Variants in ANTKMT observed in about 807,000 individuals in gnomAD.
ANTKMT encodes adenine nucleotide translocase lysine methyltransferase.
Under a neutral mutation model 20.7 loss-of-function variants are expected in ANTKMT, and 24 were observed. That is an observed-to-expected ratio of 1.16 (90% CI 0.84 to 1.63). The LOEUF (loss-of-function observed/expected upper bound fraction) is 1.63, where lower values mean the gene tolerates loss of function less well. ANTKMT is among the 40% of genes most tolerant of loss of function. ANTKMT has a pLI of 0.00. For synonymous variants in ANTKMT, 193 were observed against 161.2 expected (o/e 1.20, Z -1.49); for missense variants, 428 against 334.8 (o/e 1.28, Z -2.17).
chr16:721,159 C>T lies in ANTKMT; in HGVS notation c.-116C>T. ...GCTCTGCCGGCCACTTCCGGTGTCG[C>T]GCGGCGGCTCCCGGCAGGAGGCAGA... On this transcript the variant is annotated 5_prime_UTR_variant, in exon 1 of 5. Transcript: ENST00000569529. The T allele has an allele frequency of 9.4e-7, 1 of 1,063,950 alleles. No homozygotes were observed. The highest frequency in any genetic ancestry group is 1.2e-6 in the Non-Finnish European group (1 of 845,988). 65.9% of individuals were successfully genotyped at this position (1,063,950 alleles called of 1,614,324 possible).
chr16:721,476 C>T, intron 1 of ANTKMT, 40 bp downstream of exon 1: 1 of 1,369,464 alleles, frequency 7.3e-7, no homozygotes, highest in Non-Finnish European at 9.3e-7. Context: ...AGCTCGGCTG[C>T]CGCTCAGGGT....
chr16:721,693 C>A lies in ANTKMT; in HGVS notation c.258C>A (p.Asp86Glu). 6.5e-7 allele frequency: 1 copy of A among 1,549,622 alleles called. No homozygotes were observed. Among genetic ancestry groups the A allele is most frequent in the Non-Finnish European group, 8.7e-7 (1 of 1,147,174 alleles). The change falls in exon 2 of 5, where the codon GAC becomes GAA. Residue 86 changes from aspartate to glutamate, a missense_variant. By Grantham distance (45) the Asp-to-Glu change is conservative. Transcript: ENST00000569529. The stretch of plus-strand genomic sequence containing the variant: ...AAACGGTGGATCTGGGCTCTGGCGA[C>A]GGCAGGATCGTAAGTGCCTGCGTCT... ...PGKTVDLGSG[D>E]GRIVLAAHRC...
rs1271064786 is a variant in ANTKMT, at chr16:721,358, C to G, written c.84C>G (p.Ala28=). ...LGALELLQAA[A]GSGLAAYAVW... ...CGCTGGAGCTGCTGCAGGCGGCGGC[C>G]GGCTCGGGCTTGGCAGCCTACGCGG... is the stretch of plus-strand genomic sequence containing the variant. The change falls in exon 1 of 5, where the codon GCC becomes GCG. Residue 28 remains alanine (A), a synonymous_variant. Coordinates refer to ENST00000569529, the MANE Select transcript of ANTKMT (RefSeq NM_023933.3). 2.2e-6 allele frequency: 3 copies of G among 1,335,550 alleles called. No homozygotes were observed. Among genetic ancestry groups the G allele is most frequent in the East Asian group, 6.4e-5 (2 of 31,194 alleles). The allele number at this position is 1,335,550 out of a possible 1,614,324, so 82.7% of individuals were successfully genotyped here.
rs764051935 is a variant in ANTKMT at position 721,811 on chromosome 16, C to T, written c.278C>T (p.Ala93Val). 38 of 1,549,168 alleles carry T rather than the reference C, an allele frequency of 2.5e-5. 1 individual carries two copies. In the South Asian group the frequency reaches 4.0e-4, roughly 16 times the overall value. Residue 93 changes from alanine to valine, a missense_variant, in exon 3 of 5, where the codon GCC (alanine) becomes GTC (valine). Physicochemically the swap from Ala to Val is moderately conservative, Grantham distance 64. Transcript: ENST00000569529. ...TCTCGGTGCCCACAGGTGCTGGCGG[C>T]CCACAGGTGCGGCCTCCGCCCGGCC... ...GSGDGRIVLAAHRCGLRPAVG... is the reference protein window; with the variant it reads ...GSGDGRIVLAVHRCGLRPAVG...
At position 722,437 on chromosome 16, in the gene ANTKMT, T is replaced by TTA. The variant is rs758640273; in HGVS notation, c.590_591dup (p.Asp198MetfsTer42). 2.2e-5 allele frequency: 35 copies of TTA among 1,610,252 alleles called. No individual in the cohort carries two copies. In the African/African-American group the frequency reaches 4.7e-4, roughly 22 times the overall value. On this transcript the variant is annotated frameshift_variant, in exon 5 of 5. Coordinates refer to ENST00000569529, the MANE Select transcript of ANTKMT (RefSeq NM_023933.3). LOFTEE classifies it low-confidence loss of function (END_TRUNC). ...GCGAGGGCCTGGACCGAGTATGGGC[T>TTA]TATGATGTTCCTGAGGGTGGGCAGG...
chr16:721,486 T>A, intron 1 of ANTKMT, 50 bp downstream of exon 1: 1 of 1,396,364 alleles, frequency 7.2e-7, no homozygotes, highest in Non-Finnish European at 9.2e-7. Context: ...CCGCTCAGGG[T>A]CTCAAGGTCT....
intron 4 of ANTKMT, 81 bp from the exon 5 acceptor site, chr16:722,228 G>T: frequency 6.3e-7 from 1 of 1,585,502 alleles, no homozygotes; most frequent in Non-Finnish European, 8.6e-7. Context: ...TGGGTGCTAG[G>T]CTTGGGGCTA....
In ANTKMT at chr16:721,292, G is replaced by A. The variant is rs11540048; in HGVS notation, c.18G>A (p.Pro6=). The A allele has an allele frequency of 2.2e-6, 3 of 1,335,512 alleles. No individual in the cohort carries two copies. Among genetic ancestry groups the A allele is most frequent in the Non-Finnish European group, 2.9e-6 (3 of 1,044,496 alleles). The allele number at this position is 1,335,512 out of a possible 1,614,324, so 82.7% of individuals were successfully genotyped here. ...CCGCAGCCATGGAGCAGGACGACCC[G>A]GTCGAGGCGCTGACGGAGCTGCGCG... The part of the protein sequence containing the change: MEQDD[P]VEALTELRER... Residue 6 remains proline, a synonymous_variant, in exon 1 of 5, where the codon CCG becomes CCA. Coordinates refer to ENST00000569529, the MANE Select transcript of ANTKMT (RefSeq NM_023933.3).
Position 721,300 on chromosome 16 carries a change from C to T in ANTKMT, c.26C>T (p.Ala9Val). 7.4e-6 allele frequency: 10 copies of T among 1,343,168 alleles called. No homozygotes were observed. The highest frequency in any genetic ancestry group is 9.5e-6 in the Non-Finnish European group (10 of 1,047,986). 83.2% of individuals were successfully genotyped at this position (1,343,168 alleles called of 1,614,324 possible). Reference sequence around the variant, plus strand: ...ATGGAGCAGGACGACCCGGTCGAGGCGCTGACGGAGCTGCGCGAGCGGCGG... The same window carrying T: ...ATGGAGCAGGACGACCCGGTCGAGGTGCTGACGGAGCTGCGCGAGCGGCGG... Reference protein sequence around the residue: MEQDDPVEALTELRERRLG... With the variant: MEQDDPVEVLTELRERRLG... Residue 9 changes from alanine to valine, a missense_variant, in exon 1 of 5, where the codon GCG (alanine) becomes GTG (valine). Coordinates refer to ENST00000569529, the MANE Select transcript of ANTKMT (RefSeq NM_023933.3).
At position 721,792 on chromosome 16, in the gene ANTKMT, TGCCCACAGGTGCTGGCG is replaced by T; in HGVS notation, c.272_288del (p.Leu91ArgfsTer56). 3 of 1,538,790 alleles carry T rather than the reference TGCCCACAGGTGCTGGCG, an allele frequency of 1.9e-6. No individual in the cohort carries two copies. The highest frequency in any genetic ancestry group is 2.4e-5 in the East Asian group (1 of 40,882). On this transcript the variant is annotated splice_acceptor_variant and splice_polypyrimidine_tract_variant and coding_sequence_variant and intron_variant, in exon 3 of 5. Transcript: ENST00000569529. LOFTEE classifies it high-confidence loss of function. ...CACATCCTGGTTCCCACACTCTCGG[TGCCCACAGGTGCTGGCG>T]GCCCACAGGTGCGGCCTCCGCCCGG...
At position 721,894 on chromosome 16, in the gene ANTKMT, G is replaced by A; in HGVS notation, c.361G>A (p.Ala121Thr). The change falls in exon 3 of 5, where the codon GCC becomes ACC. Residue 121 changes from alanine (A) to threonine (T), a missense_variant. Ala to Thr is a moderately conservative substitution (Grantham distance 58, BLOSUM62 0). Transcript: ENST00000569529. ...GCTGGCGCGGCTGCACGCCTGGAGGGCCGGCTGTGCCGGCAGCGTCTGCTA... is the reference window on the plus strand; with the variant it reads ...GCTGGCGCGGCTGCACGCCTGGAGGACCGGCTGTGCCGGCAGCGTCTGCTA... The part of the protein sequence containing the change: ...VALARLHAWR[A>T]GCAGSVCYRR... 6.4e-7 allele frequency: 1 copy of A among 1,570,220 alleles called. No homozygotes were observed. The highest frequency in any genetic ancestry group is 8.6e-7 in the Non-Finnish European group (1 of 1,166,352).
At chr16:722,055 CCCGG>C in intron 3 of ANTKMT, 25 bp from the exon 4 acceptor site, 4 of 1,587,800 alleles carry the variant, frequency 2.5e-6, no homozygotes, top group Non-Finnish European at 3.4e-6. Context: ...CAGGCCTCTC[CCCGG>C]CCGGGGCGAC....
chr16:721,820 G>A lies in ANTKMT; in HGVS notation c.287G>A (p.Cys96Tyr). The change falls in exon 3 of 5, where the codon TGC becomes TAC. Residue 96 changes from cysteine to tyrosine, a missense_variant. Cys to Tyr is a radical substitution (Grantham distance 194). Transcript: ENST00000569529. ...DGRIVLAAHR[C>Y]GLRPAVGYEL... ...CCACAGGTGCTGGCGGCCCACAGGT[G>A]CGGCCTCCGCCCGGCCGTGGGCTAC... 6.4e-7 allele frequency: 1 copy of A among 1,553,942 alleles called. No individual in the cohort carries two copies. Among genetic ancestry groups the A allele is most frequent in the Non-Finnish European group, 8.7e-7 (1 of 1,153,746 alleles).
In ANTKMT at chr16:721,397, G is replaced by A. The variant is rs1049576858; in HGVS notation, c.123G>A (p.Leu41=). 59 of 1,298,036 alleles carry A rather than the reference G, an allele frequency of 4.5e-5. No individual in the cohort carries two copies. The highest frequency in any genetic ancestry group is 5.4e-5 in the Non-Finnish European group (56 of 1,029,632). 80.4% of individuals were successfully genotyped at this position (1,298,036 alleles called of 1,614,324 possible). Residue 41 remains leucine (L), a synonymous_variant, in exon 1 of 5, where the codon CTG becomes CTA. Coordinates refer to ENST00000569529, the MANE Select transcript of ANTKMT (RefSeq NM_023933.3). ...CAGCCTACGCGGTGTGGGCGCTGCTGCTCCAGCCCGGCTTCCGGCGCGTGC... is the reference window on the plus strand; with the variant it reads ...CAGCCTACGCGGTGTGGGCGCTGCTACTCCAGCCCGGCTTCCGGCGCGTGC... ...GLAAYAVWAL[L]LQPGFRRVPL... is the part of the protein sequence containing the mutation.
chr16:722,344 G>C lies in ANTKMT; in HGVS notation c.495G>C (p.Leu165=). 6.2e-7 allele frequency: 1 copy of C among 1,608,392 alleles called. No homozygotes were observed. ...PLLEDKLRTE[L]PAGARVVSGR... ...TGGAGGACAAGCTGCGGACAGAGCTGCCTGCTGGGGCCCGCGTGGTGTCTG... is the reference window on the plus strand; with the variant it reads ...TGGAGGACAAGCTGCGGACAGAGCTCCCTGCTGGGGCCCGCGTGGTGTCTG... Residue 165 remains leucine, a synonymous_variant, in exon 5 of 5, where the codon CTG becomes CTC. Coordinates refer to ENST00000569529, the MANE Select transcript of ANTKMT (RefSeq NM_023933.3).
Position 721,663 on chromosome 16 carries a change from C to G in ANTKMT, c.228C>G (p.Pro76=). 5 of 1,550,836 alleles carry G rather than the reference C, an allele frequency of 3.2e-6. No individual in the cohort carries two copies. Among genetic ancestry groups the G allele is most frequent in the Non-Finnish European group, 4.4e-6 (5 of 1,148,108 alleles). Residue 76 remains proline (P), a synonymous_variant, in exon 2 of 5, where the codon CCC becomes CCG. Transcript: ENST00000569529. ...EHVLSLLRGR[P]GKTVDLGSGD... is the part of the protein sequence containing the mutation. Reference sequence around the variant, plus strand: ...TGTTGTCGCTGCTGCGAGGACGCCCCGGAAAAACGGTGGATCTGGGCTCTG... The same window carrying G: ...TGTTGTCGCTGCTGCGAGGACGCCCGGGAAAAACGGTGGATCTGGGCTCTG...
chr16:722,397 C>T lies in ANTKMT; in HGVS notation c.548C>T (p.Pro183Leu), dbSNP rs1361708355. ...CGCTTCCCACTCCCCACCTGGCAGC[C>T]TGTGACCGCGGTTGGCGAGGGCCTG... ...SGRFPLPTWQ[P>L]VTAVGEGLDR... Residue 183 changes from proline (P) to leucine (L), a missense_variant, in exon 5 of 5, where the codon CCT (proline) becomes CTT (leucine). By Grantham distance (98) the Pro-to-Leu change is moderately conservative (BLOSUM62 -3). Coordinates refer to ENST00000569529, the MANE Select transcript of ANTKMT (RefSeq NM_023933.3). 1 of 1,602,034 alleles carries T rather than the reference C, an allele frequency of 6.2e-7. No homozygotes were observed. Among genetic ancestry groups the T allele is most frequent in the Non-Finnish European group, 8.5e-7 (1 of 1,174,490 alleles).
rs556451617 is a variant in ANTKMT, at chr16:721,840, G to A, written c.307G>A (p.Gly103Ser). ...AHRCGLRPAV[G>S]YELNPWLVAL... ...CAGGTGCGGCCTCCGCCCGGCCGTGGGCTACGAGCTGAACCCCTGGCTGGT... is the reference window on the plus strand; with the variant it reads ...CAGGTGCGGCCTCCGCCCGGCCGTGAGCTACGAGCTGAACCCCTGGCTGGT... The change falls in exon 3 of 5, where the codon GGC becomes AGC. Residue 103 changes from glycine (G) to serine (S), a missense_variant. Physicochemically the swap from Gly to Ser is moderately conservative, Grantham distance 56. Transcript: ENST00000569529. 1.9e-6 allele frequency: 3 copies of A among 1,561,158 alleles called. No homozygotes were observed. The highest frequency in any genetic ancestry group is 2.6e-6 in the Non-Finnish European group (3 of 1,159,010).
rs931461827 is a variant in ANTKMT at position 721,400 on chromosome 16, C to A, written c.126C>A (p.Leu42=). ...LAAYAVWALL[L]QPGFRRVPLR... Reference sequence around the variant, plus strand: ...CCTACGCGGTGTGGGCGCTGCTGCTCCAGCCCGGCTTCCGGCGCGTGCCGC... The same window carrying A: ...CCTACGCGGTGTGGGCGCTGCTGCTACAGCCCGGCTTCCGGCGCGTGCCGC... The change falls in exon 1 of 5, where the codon CTC becomes CTA. Residue 42 remains leucine (L), a synonymous_variant. Transcript: ENST00000569529. 7.7e-7 allele frequency: 1 copy of A among 1,298,134 alleles called. No individual in the cohort carries two copies. Among genetic ancestry groups the A allele is most frequent in the Non-Finnish European group, 9.7e-7 (1 of 1,029,542 alleles). The allele number at this position is 1,298,134 out of a possible 1,614,324, so 80.4% of individuals were successfully genotyped here.
Sources: allele counts gnomAD v4.1 joint callset, GRCh38; gene constraint gnomAD v4.1.1; transcripts MANE v1.5; gene names NCBI Gene and HGNC (gene_info 2026-07-23, HGNC 2026-07-21).